The following CNTNAP2 variants were observed in gnomAD, a reference collection of about 807,000 sequenced individuals.
CNTNAP2 encodes the protein contactin-associated protein-like 2.
CNTNAP2 carries 98 observed loss-of-function variants against 155.2 expected under a neutral mutation model. The observed-to-expected ratio is 0.63, with a 90% CI of 0.54 to 0.75. The LOEUF is 0.75. Among genes scored for constraint, CNTNAP2 ranks in the 30% least tolerant of loss-of-function variants. The pLI, the probability that CNTNAP2 is intolerant of heterozygous loss-of-function variation, is 0.00. For synonymous variants in CNTNAP2, 651 were observed against 631.2 expected, an observed-to-expected ratio of 1.03 and a Z score of -0.47; for missense variants, 1,727 against 1,688.1, an observed-to-expected ratio of 1.02 and a Z score of -0.40.
intron 15 of CNTNAP2, among the ~76,000 whole-genome samples, chr7:147,986,050 CTG>C (rs1300509624): frequency 1.3e-5 from 2 of 152,122 alleles, no homozygotes; most frequent in Non-Finnish European, 2.9e-5. Flanking sequence ...TTTCATTACA[CTG>C]TGTACTGATT....
At chr7:148,393,290 A>C (rs991476765) in intron 22 of CNTNAP2, among the ~76,000 whole-genome samples, 1 of 152,056 alleles carries the variant, frequency 6.6e-6, no homozygotes, top group Non-Finnish European at 1.5e-5. Flanking sequence ...ATGCATTTTT[A>C]TCTCTCACAC....
intron 15 of CNTNAP2, among the ~76,000 whole-genome samples, chr7:148,061,222 C>A (rs919068596): frequency 2.0e-5 from 2 of 100,322 alleles, no homozygotes; most frequent in Admixed American, 1.0e-4. Flanking sequence ...AAAATGAAGT[C>A]TGTTAGAAAG....
intron 1 of CNTNAP2, among the ~76,000 whole-genome samples, chr7:146,403,384 CTTG>C (rs1218776228): frequency 1.3e-5 from 2 of 152,028 alleles, no homozygotes; most frequent in African/African-American, 2.4e-5. Flanking sequence ...AATTATGAGA[CTTG>C]TTAATAATGT....
chr7:147,328,499 A>G (rs541023398), intron 9 of CNTNAP2, among the ~76,000 whole-genome samples: 2 of 152,332 alleles, frequency 1.3e-5, no homozygotes, highest in African/African-American at 4.8e-5. Context: ...GACTGGGACG[A>G]CTGAATCGAC....
At chr7:147,268,693 A>G (rs1804671830) in intron 8 of CNTNAP2, among the ~76,000 whole-genome samples, 1 of 152,226 alleles carries the variant, frequency 6.6e-6, no homozygotes, top group African/African-American at 2.4e-5. Context: ...AGATAGCATT[A>G]GGGATGTCAG....
intron 9 of CNTNAP2, among the ~76,000 whole-genome samples, chr7:147,380,926 T>C (rs1198473540): frequency 6.6e-6 from 1 of 152,134 alleles, no homozygotes; most frequent in African/African-American, 2.4e-5. Flanking sequence ...ATTTGGAAAA[T>C]ATATAGACTT....
intron 15 of CNTNAP2, among the ~76,000 whole-genome samples, chr7:147,989,947 C>A (rs1209378380): frequency 2.0e-5 from 3 of 152,188 alleles, no homozygotes; most frequent in African/African-American, 7.2e-5. Flanking sequence ...GTTAGCACAG[C>A]CTTCACAAGT....
intron 1 of CNTNAP2, among the ~76,000 whole-genome samples, chr7:146,513,853 T>C (rs1068270): frequency 0.23 from 35,359 of 151,858 alleles, 4,419 homozygotes; most frequent in East Asian, 0.45. Flanking sequence ...CATTTTATTA[T>C]TTCTTTTAAG....
chr7:147,300,471 T>G (rs752597633), intron 9 of CNTNAP2, among the ~76,000 whole-genome samples, 181 bp downstream of exon 9: 1 of 152,218 alleles, frequency 6.6e-6, no homozygotes, highest in Non-Finnish European at 1.5e-5. Context: ...TTCTTTCTGA[T>G]GAAGATATTA....
chr7:147,658,114 G>A (rs1308018116), intron 13 of CNTNAP2, among the ~76,000 whole-genome samples: 2 of 144,282 alleles, frequency 1.4e-5, no homozygotes, highest in East Asian at 2.0e-4. Flanking sequence ...AAAATTAGCC[G>A]GGCGTAGTGG....
At chr7:146,158,433 A>G (rs1445231057) in intron 1 of CNTNAP2, among the ~76,000 whole-genome samples, 1 of 152,036 alleles carries the variant, frequency 6.6e-6, no homozygotes, top group Non-Finnish European at 1.5e-5. Context: ...ATCGGTAATA[A>G]CAAACTTCTC....
intron 12 of CNTNAP2, among the ~76,000 whole-genome samples, chr7:147,604,759 G>A (rs979145797): frequency 2.0e-5 from 3 of 152,158 alleles, no homozygotes; most frequent in South Asian, 2.1e-4. Context: ...GTCATGTTGT[G>A]TACTTGGAAT....
chr7:146,920,240 T>C (rs762487527), intron 3 of CNTNAP2, among the ~76,000 whole-genome samples: 2 of 151,900 alleles, frequency 1.3e-5, no homozygotes, highest in African/African-American at 2.4e-5. Flanking sequence ...GTGGTGAAAC[T>C]CCATCTCTAC....
At chr7:146,369,373 A>G (rs1385191734) in intron 1 of CNTNAP2, among the ~76,000 whole-genome samples, 3 of 152,146 alleles carry the variant, frequency 2.0e-5, no homozygotes, top group African/African-American at 7.2e-5. Context: ...TCAAGTTGCA[A>G]GAAATAAGCA....
chr7:147,383,608 C>A (rs541028487), intron 9 of CNTNAP2, among the ~76,000 whole-genome samples: 4 of 151,752 alleles, frequency 2.6e-5, no homozygotes, highest in Admixed American at 1.3e-4. Context: ...CACCACGCAC[C>A]GGGGCCTGTC....
intron 9 of CNTNAP2, among the ~76,000 whole-genome samples, chr7:147,390,449 A>G (rs1287179723): frequency 6.6e-6 from 1 of 152,058 alleles, no homozygotes; most frequent in African/African-American, 2.4e-5. Flanking sequence ...CTGACTTGAT[A>G]TTTCTTATAA....
intron 1 of CNTNAP2, among the ~76,000 whole-genome samples, chr7:146,577,276 A>C (rs945588674): frequency 3.0e-4 from 46 of 152,122 alleles, no homozygotes; most frequent in African/African-American, 1.1e-3. Context: ...TTGGCAGTTA[A>C]GTTTTTGCCT....
In CNTNAP2 at chr7:147,475,698, G is replaced by A. The variant is rs563456174; in HGVS notation, c.1671-10237G>A. ...CCTGGATTTGTGTCTTCATTAGAAAGGCCCTCTATATTAGTTGTTTATAAA... is the reference window on the plus strand; with the variant it reads ...CCTGGATTTGTGTCTTCATTAGAAAAGCCCTCTATATTAGTTGTTTATAAA... On this transcript the variant is annotated intron_variant, in intron 10 of 23. Transcript: ENST00000361727. Among the ~76,000 whole-genome samples the A allele has an allele frequency of 3.3e-5, 5 of 151,958 alleles. No individual in the cohort carries two copies. In the East Asian group the frequency reaches 9.7e-4, roughly 29 times the overall value.
intron 1 of CNTNAP2, among the ~76,000 whole-genome samples, chr7:146,350,769 G>T (rs1300550154): frequency 6.6e-6 from 1 of 151,578 alleles, no homozygotes; most frequent in Admixed American, 6.6e-5. Context: ...GCAAAGACTT[G>T]GAACCAACCC....
Sources: allele counts gnomAD v4.1 joint callset (sites outside exome capture counted in the v4.1 genomes callset), GRCh38; gene constraint gnomAD v4.1.1; transcripts MANE v1.5; gene names NCBI Gene and HGNC (gene_info 2026-07-23, HGNC 2026-07-21).